AP1AR: variants seen among roughly 807,000 people sequenced by gnomAD.
AP1AR encodes adaptor related protein complex 1 associated regulatory protein, also known as AP-1 complex-associated regulatory protein.
Under a neutral mutation model 46.3 loss-of-function variants are expected in AP1AR, and 29 were observed. The observed-to-expected ratio is 0.63, with a 90% CI of 0.47 to 0.85. AP1AR has a LOEUF of 0.85. Among genes scored for constraint, AP1AR ranks in the 40% least tolerant of loss-of-function variants. The pLI is 0.00. For missense variants in AP1AR, 357 were observed against 356.3 expected (o/e 1.00, Z -0.02); for synonymous variants, 122 against 122.9 (o/e 0.99, Z 0.05).
intron 1 of AP1AR, among the ~76,000 whole-genome samples, chr4:112,234,135 A>G (rs977127305): frequency 2.6e-4 from 40 of 152,250 alleles, no homozygotes; most frequent in African/African-American, 9.4e-4. Flanking sequence ...CTGGGATTAC[A>G]GGCATGAGCC....
In AP1AR at chr4:112,262,999, A is replaced by G. The variant is rs1326807228; in HGVS notation, c.294A>G (p.Gln98=). ...DKKIQKELAL[Q]EEKLRLEEEA... ...TTGTTCATGTACAGTTAGCCTTACAAGAAGAGAAGTTAAGACTAGAAGAAG... is the reference window on the plus strand; with the variant it reads ...TTGTTCATGTACAGTTAGCCTTACAGGAAGAGAAGTTAAGACTAGAAGAAG... The change falls in exon 6 of 10, where the codon CAA becomes CAG. Residue 98 remains glutamine (Q), a synonymous_variant. Coordinates refer to ENST00000274000, the MANE Select transcript of AP1AR (RefSeq NM_018569.6). 6.2e-7 allele frequency: 1 copy of G among 1,612,900 alleles called. No homozygotes were observed. Among genetic ancestry groups the G allele is most frequent in the African/African-American group, 1.3e-5 (1 of 74,894 alleles).
intron 3 of AP1AR, among the ~76,000 whole-genome samples, chr4:112,257,511 A>G (rs1726247473): frequency 6.6e-6 from 1 of 152,222 alleles, no homozygotes. Flanking sequence ...TGTTAAAAAA[A>G]ATTAAGAAAT....
At chr4:112,265,245 A>T (rs915369352) in intron 7 of AP1AR, 178 bp downstream of exon 7, 1 of 508,390 alleles carries the variant, frequency 2.0e-6, no homozygotes, top group Non-Finnish European at 3.5e-6. Flanking sequence ...TTGAAACATT[A>T]TTATTAATTT....
rs1454781612 is a variant in AP1AR, at chr4:112,268,543, C to T, written c.*134C>T. 1.0e-5 allele frequency: 9 copies of T among 862,448 alleles called. No individual in the cohort carries two copies. Among genetic ancestry groups the T allele is most frequent in the Admixed American group, 1.0e-4 (3 of 29,166 alleles). The allele number at this position is 862,448 out of a possible 1,614,324, so 53.4% of individuals were successfully genotyped here. On this transcript the variant is annotated 3_prime_UTR_variant, in exon 10 of 10. Coordinates refer to ENST00000274000, the MANE Select transcript of AP1AR (RefSeq NM_018569.6). Reference sequence around the variant, plus strand: ...CATGTTGTAAATGCTTATTTTATTACAAAGGAGTAGGGATGATAGGATCTG... The same window carrying T: ...CATGTTGTAAATGCTTATTTTATTATAAAGGAGTAGGGATGATAGGATCTG...
intron 1 of AP1AR, among the ~76,000 whole-genome samples, chr4:112,238,612 A>G (rs190442457): frequency 1.3e-5 from 2 of 152,304 alleles, no homozygotes; most frequent in East Asian, 1.9e-4. Context: ...TTAAATGGAT[A>G]TGGATTTTTT....
intron 7 of AP1AR, among the ~76,000 whole-genome samples, chr4:112,265,503 T>C (rs991912279): frequency 5.9e-5 from 9 of 152,014 alleles, no homozygotes; most frequent in African/African-American, 2.2e-4. Flanking sequence ...GTTGGACTTA[T>C]GGCTAAGCTT....
chr4:112,272,747 G>A lies in AP1AR; in HGVS notation c.*4338G>A, dbSNP rs956889272. 1.3e-5 allele frequency among the ~76,000 whole-genome samples: 2 copies of A among 152,006 alleles called. No individual in the cohort carries two copies. Among genetic ancestry groups the A allele is most frequent in the Non-Finnish European group, 2.9e-5 (2 of 68,000 alleles). ...CTCTTGGCTGAATTCTTTCTCCCAAGAAGACAAAGATCAAGGACTATGGAG... is the reference window on the plus strand; with the variant it reads ...CTCTTGGCTGAATTCTTTCTCCCAAAAAGACAAAGATCAAGGACTATGGAG... On this transcript the variant is annotated 3_prime_UTR_variant, in exon 10 of 10. Transcript: ENST00000274000.
chr4:112,239,193 A>C (rs904916506), intron 1 of AP1AR, among the ~76,000 whole-genome samples: 3 of 152,196 alleles, frequency 2.0e-5, no homozygotes, highest in Non-Finnish European at 4.4e-5. Flanking sequence ...AAGGAAAGCA[A>C]CATGAAACCT....
At position 112,270,586 on chromosome 4, in the gene AP1AR, T is replaced by C. The variant is rs1726909411; in HGVS notation, c.*2177T>C. On this transcript the variant is annotated 3_prime_UTR_variant, in exon 10 of 10. Transcript: ENST00000274000. ...TGTTTACTTGGCTAAAACCTAATTGTTAAGCAGGAAACAGTCAAGTAAAAC... is the reference window on the plus strand; with the variant it reads ...TGTTTACTTGGCTAAAACCTAATTGCTAAGCAGGAAACAGTCAAGTAAAAC... Among the ~76,000 whole-genome samples the C allele has an allele frequency of 6.6e-6, 1 of 152,218 alleles. No homozygotes were observed. Among genetic ancestry groups the C allele is most frequent in the Admixed American group, 6.5e-5 (1 of 15,286 alleles).
chr4:112,253,328 G>A, intron 2 of AP1AR, 72 bp downstream of exon 2: 1 of 1,178,326 alleles, frequency 8.5e-7, no homozygotes, highest in Non-Finnish European at 1.2e-6. Flanking sequence ...GTTGTAAAGA[G>A]GGAAAGATCT....
chr4:112,234,579 C>G (rs185758037), intron 1 of AP1AR, among the ~76,000 whole-genome samples: 143 of 151,460 alleles, frequency 9.4e-4, no homozygotes, highest in African/African-American at 3.0e-3. Flanking sequence ...AATTTTAATA[C>G]TGTTTTAGCA....
Position 112,236,903 on chromosome 4 carries a change from A to G in AP1AR, c.83+4729A>G, listed in dbSNP as rs189726522. 2.6e-5 allele frequency among the ~76,000 whole-genome samples: 4 copies of G among 152,356 alleles called. No individual in the cohort carries two copies. The East Asian group carries it at 7.7e-4, about 29-fold the overall frequency. ...ATAACATTAAAGCTATTCTAATTTC[A>G]AAAAACGTGTCATTCATAAATCTTA... On this transcript the variant is annotated intron_variant, in intron 1 of 9. Coordinates refer to ENST00000274000, the MANE Select transcript of AP1AR (RefSeq NM_018569.6).
intron 5 of AP1AR, 80 bp from the exon 6 acceptor site, chr4:112,262,908 A>G: frequency 1.2e-6 from 1 of 867,602 alleles, no homozygotes; most frequent in Non-Finnish European, 1.9e-6. Flanking sequence ...TTTTTGTTTT[A>G]TAAATAGAAG....
At chr4:112,264,403 C>G (rs1726585553) in intron 6 of AP1AR, among the ~76,000 whole-genome samples, 1 of 152,024 alleles carries the variant, frequency 6.6e-6, no homozygotes, top group Non-Finnish European at 1.5e-5. Flanking sequence ...TGACACCCAC[C>G]AAGTCATTTG....
At position 112,269,439 on chromosome 4, in the gene AP1AR, T is replaced by C. The variant is rs940047148; in HGVS notation, c.*1030T>C. The C allele has an allele frequency of 6.6e-6, 1 of 152,430 alleles. No individual in the cohort carries two copies. Among genetic ancestry groups the C allele is most frequent in the African/African-American group, 2.4e-5 (1 of 41,434 alleles). The allele number at this position is 152,430 out of a possible 1,614,324, so 9.4% of individuals were successfully genotyped here. A position where few individuals can be genotyped will look rare whatever the true frequency, so the allele number is the denominator to read the frequency against. On this transcript the variant is annotated 3_prime_UTR_variant, in exon 10 of 10. Transcript: ENST00000274000. Reference sequence around the variant, plus strand: ...TTTTGTGCTAGACAATTACTGTTCTTTTCTCTAAAATGTATATGTCAATTT... The same window carrying C: ...TTTTGTGCTAGACAATTACTGTTCTCTTCTCTAAAATGTATATGTCAATTT...
In AP1AR at chr4:112,231,991, A is replaced by C; in HGVS notation, c.-101A>C. 1 of 1,146,594 alleles carries C rather than the reference A, an allele frequency of 8.7e-7. No homozygotes were observed. Among genetic ancestry groups the C allele is most frequent in the Non-Finnish European group, 1.1e-6 (1 of 882,308 alleles). The allele number at this position is 1,146,594 out of a possible 1,614,324, so 71.0% of individuals were successfully genotyped here. On this transcript the variant is annotated 5_prime_UTR_variant, in exon 1 of 10. Transcript: ENST00000274000. The stretch of plus-strand genomic sequence containing the variant: ...CTGGCCGGCCCGCCCTCGGTCCTTG[A>C]ACCCCATTTCGGCTCGTGCCGTGCG...
At chr4:112,256,394 CA>C (rs1726199926) in intron 3 of AP1AR, among the ~76,000 whole-genome samples, 1 of 152,218 alleles carries the variant, frequency 6.6e-6, no homozygotes, top group African/African-American at 2.4e-5. Context: ...AAGCATCTGA[CA>C]AGTGTTAAAA....
At position 112,273,105 on chromosome 4, in the gene AP1AR, A is replaced by G. The variant is rs563870063; in HGVS notation, c.*4696A>G. The G allele has an allele frequency of 6.6e-6, 1 of 152,282 alleles. No individual in the cohort carries two copies. The highest frequency in any genetic ancestry group is 6.5e-5 in the Admixed American group (1 of 15,294). 9.4% of individuals were successfully genotyped at this position (152,282 alleles called of 1,614,324 possible). ...ACAATAACAATAAAAATGGAGAGAA[A>G]CAGAATCCCTGCATCTGATTCTTGA... On this transcript the variant is annotated 3_prime_UTR_variant, in exon 10 of 10. Transcript: ENST00000274000.
chr4:112,236,112 A>C (rs1560600039), intron 1 of AP1AR, among the ~76,000 whole-genome samples: 1 of 151,654 alleles, frequency 6.6e-6, no homozygotes, highest in African/African-American at 2.4e-5. Flanking sequence ...TCAGTTGTCT[A>C]CCTAAGAGGC....
Sources: gnomAD v4.1 joint callset for allele counts (sites outside exome capture counted in the v4.1 genomes callset) on GRCh38, gnomAD v4.1.1 for gene constraint, MANE v1.5 for transcripts, NCBI Gene and HGNC (gene_info 2026-07-23, HGNC 2026-07-21) for gene names.